Variants in KCNAB1 observed in about 807,000 individuals in gnomAD.
KCNAB1 encodes potassium voltage-gated channel subfamily A regulatory beta subunit 1.
In KCNAB1, 35 loss-of-function variants were observed where a neutral mutation model predicts 64.6. That is an observed-to-expected ratio of 0.54 (90% CI 0.41 to 0.72). The LOEUF is 0.72. KCNAB1 is among the 30% of genes least tolerant of loss of function. The probability of loss-of-function intolerance (pLI) is 0.00; values close to 1 mark genes in which losing one functional copy is unlikely to be tolerated. For synonymous variants in KCNAB1, 177 were observed against 183.8 expected, an observed-to-expected ratio of 0.96 and a Z score of 0.30; for missense variants, 401 against 512.9, an observed-to-expected ratio of 0.78 and a Z score of 2.11.
intron 3 of KCNAB1, chr3:156,455,852 T>C (rs1376222904): frequency 6.6e-6 from 1 of 152,132 alleles, no homozygotes; most frequent in Non-Finnish European, 1.5e-5. Flanking sequence ...TCCTAGAAAC[T>C]CAGTAGGAAC....
intron 1 of KCNAB1, among the ~76,000 whole-genome samples, chr3:156,339,501 T>C (rs528798578): frequency 6.6e-6 from 1 of 152,264 alleles, no homozygotes; most frequent in South Asian, 2.1e-4. Flanking sequence ...TGTCCAAAGG[T>C]GACAAGTTGC....
At chr3:156,380,597 G>A (rs1712077077) in intron 1 of KCNAB1, among the ~76,000 whole-genome samples, 2 of 152,198 alleles carry the variant, frequency 1.3e-5, no homozygotes, top group African/African-American at 2.4e-5. Context: ...TTTGCAGCAG[G>A]AGTGTGCCCA....
chr3:156,484,010 G>T (rs1715022656), intron 8 of KCNAB1, among the ~76,000 whole-genome samples: 1 of 152,098 alleles, frequency 6.6e-6, no homozygotes, highest in African/African-American at 2.4e-5. Context: ...TACTCATCTG[G>T]TGTTGTATTT....
At chr3:156,258,670 C>T (rs568560172) in intron 1 of KCNAB1, among the ~76,000 whole-genome samples, 4 of 152,178 alleles carry the variant, frequency 2.6e-5, no homozygotes, top group Admixed American at 6.5e-5. Context: ...AAATTAAAAT[C>T]GGGCAATCAT....
intron 11 of KCNAB1, among the ~76,000 whole-genome samples, chr3:156,517,832 T>C (rs891251753): frequency 1.2e-4 from 19 of 152,238 alleles, no homozygotes; most frequent in Admixed American, 7.9e-4. Flanking sequence ...GCAGACCATT[T>C]TCAGATGCAG....
chr3:156,232,642 C>A (rs1489481266), intron 1 of KCNAB1, among the ~76,000 whole-genome samples: 1 of 152,232 alleles, frequency 6.6e-6, no homozygotes, highest in East Asian at 1.9e-4. Flanking sequence ...GTCCACAAGG[C>A]AGAAATGCAA....
chr3:156,361,278 C>A (rs1351753130), intron 1 of KCNAB1, among the ~76,000 whole-genome samples: 1 of 152,104 alleles, frequency 6.6e-6, no homozygotes, highest in African/African-American at 2.4e-5. Context: ...CCTAGCCATC[C>A]ACGTGGCTGT....
chr3:156,302,164 G>A (rs184161054), intron 1 of KCNAB1, among the ~76,000 whole-genome samples: 86 of 152,144 alleles, frequency 5.7e-4, no homozygotes, highest in African/African-American at 2.0e-3. Flanking sequence ...CTCCAGTTCT[G>A]TCTTCACGTC....
intron 1 of KCNAB1, among the ~76,000 whole-genome samples, chr3:156,263,554 T>C (rs554127196): frequency 6.6e-6 from 1 of 152,194 alleles, no homozygotes; most frequent in South Asian, 2.1e-4. Flanking sequence ...ATGGTCCATC[T>C]TGGAGAATAT....
At chr3:156,129,906 T>G (rs181857706) in intron 1 of KCNAB1, among the ~76,000 whole-genome samples, 1 of 152,316 alleles carries the variant, frequency 6.6e-6, no homozygotes, top group East Asian at 1.9e-4. Context: ...ATACCCTGAT[T>G]TAAAATCTTT....
chr3:156,320,936 A>G (rs142428961), intron 1 of KCNAB1, among the ~76,000 whole-genome samples: 3 of 149,630 alleles, frequency 2.0e-5, no homozygotes, highest in East Asian at 1.9e-4. Flanking sequence ...ACATGTATTT[A>G]TTCAACCAAT....
intron 8 of KCNAB1, among the ~76,000 whole-genome samples, chr3:156,479,114 CT>C (rs1714600045): frequency 6.6e-6 from 1 of 152,140 alleles, no homozygotes; most frequent in Admixed American, 6.6e-5. Context: ...GCCATGCCAT[CT>C]GTCTCTGCTA....
chr3:156,423,363 A>C (rs1267434608), intron 2 of KCNAB1, among the ~76,000 whole-genome samples: 6 of 152,234 alleles, frequency 3.9e-5, no homozygotes, highest in Admixed American at 6.5e-5. Context: ...TACATGAAAG[A>C]AGCAGAGTAC....
In KCNAB1 at chr3:156,388,929, T is replaced by G. The variant is rs546595496; in HGVS notation, c.276-32687T>G. ...AATGATTAAAGAATCTCAGCTCTCC[T>G]AGTCTTAGGGAGTTGGAAGTATTGG... On this transcript the variant is annotated intron_variant, in intron 1 of 13. Transcript: ENST00000490337. Among the ~76,000 whole-genome samples the G allele has an allele frequency of 6.6e-5, 10 of 152,290 alleles. No homozygotes were observed. The East Asian group carries it at 1.9e-3, about 29-fold the overall frequency.
intron 11 of KCNAB1, among the ~76,000 whole-genome samples, chr3:156,518,788 C>T (rs950732032): frequency 1.3e-5 from 2 of 152,150 alleles, no homozygotes; most frequent in African/African-American, 4.8e-5. Context: ...ACAATGATTT[C>T]TAAATTTGTG....
At chr3:156,336,391 A>T (rs1342409696) in intron 1 of KCNAB1, among the ~76,000 whole-genome samples, 1 of 152,128 alleles carries the variant, frequency 6.6e-6, no homozygotes, top group African/African-American at 2.4e-5. Context: ...AAAAAAGAGT[A>T]ACAATACTTT....
At chr3:156,149,388 T>C (rs889511916) in intron 1 of KCNAB1, among the ~76,000 whole-genome samples, 2 of 151,972 alleles carry the variant, frequency 1.3e-5, no homozygotes, top group Non-Finnish European at 2.9e-5. Flanking sequence ...AGGGATGGAA[T>C]TGAAAAAAAG....
At chr3:156,302,858 A>G (rs1458085818) in intron 1 of KCNAB1, among the ~76,000 whole-genome samples, 1 of 152,220 alleles carries the variant, frequency 6.6e-6, no homozygotes, top group African/African-American at 2.4e-5. Flanking sequence ...ACTTAAAAAT[A>G]TATCTACCTC....
chr3:156,352,954 G>T lies in KCNAB1; in HGVS notation c.276-68662G>T, dbSNP rs558216237. On this transcript the variant is annotated intron_variant, in intron 1 of 13. Transcript: ENST00000490337. Reference sequence around the variant, plus strand: ...TGACAGTGCAGCCTCTGGCTTCTCAGCCAGGAGCAGCACAGATGCCTGGGC... The same window carrying T: ...TGACAGTGCAGCCTCTGGCTTCTCATCCAGGAGCAGCACAGATGCCTGGGC... Among the ~76,000 whole-genome samples, 5 of 152,354 alleles carry T rather than the reference G, an allele frequency of 3.3e-5. No homozygotes were observed. In the South Asian group the frequency reaches 1.0e-3, roughly 32 times the overall value.
Sources: gnomAD v4.1 joint callset for allele counts (sites outside exome capture counted in the v4.1 genomes callset) on GRCh38, gnomAD v4.1.1 for gene constraint, MANE v1.5 for transcripts, NCBI Gene and HGNC (gene_info 2026-07-23, HGNC 2026-07-21) for gene names.